MYO5C: variants seen among roughly 807,000 people sequenced by gnomAD.
MYO5C encodes the protein myosin VC.
MYO5C carries 194 observed loss-of-function variants against 235.7 expected under a neutral mutation model. That is an observed-to-expected ratio of 0.82 (90% CI 0.73 to 0.93). MYO5C has a LOEUF of 0.93. Among genes scored for constraint, MYO5C ranks in the 40% least tolerant of loss-of-function variants. The pLI is 0.00. For synonymous variants in MYO5C, 707 were observed against 754.8 expected, an observed-to-expected ratio of 0.94 and a Z score of 1.04; for missense variants, 2,038 against 2,127.2, an observed-to-expected ratio of 0.96 and a Z score of 0.82.
At chr15:52,212,075 G>A (rs181274745) in intron 34 of MYO5C, among the ~76,000 whole-genome samples, 191 bp from the exon 35 acceptor site, 1 of 152,338 alleles carries the variant, frequency 6.6e-6, no homozygotes, top group East Asian at 1.9e-4. Flanking sequence ...GGTGTCACTT[G>A]TTCCTCTTCT....
rs1164148479 is a variant in MYO5C, at chr15:52,244,719, A to G, written c.2179-152T>C. ...AACTCACATCATGATCTAGAAATGT[A>G]TACTTTGAGTTGTTTGTTTAAAATT... is the stretch of plus-strand genomic sequence containing the variant. On this transcript the variant is annotated intron_variant, in intron 18 of 40. Transcript: ENST00000261839. 3 of 616,118 alleles carry G rather than the reference A, an allele frequency of 4.9e-6. No homozygotes were observed. In the African/African-American group the frequency reaches 5.5e-5, roughly 11 times the overall value. 38.2% of individuals were successfully genotyped at this position (616,118 alleles called of 1,614,324 possible). A position where few individuals can be genotyped will look rare whatever the true frequency, so the allele number is the denominator to read the frequency against.
In MYO5C at chr15:52,246,998, TAC is replaced by T; in HGVS notation, c.1896_1897del (p.Tyr633LeufsTer21). 1 of 1,613,588 alleles carries T rather than the reference TAC, an allele frequency of 6.2e-7. No homozygotes were observed. Among genetic ancestry groups the T allele is most frequent in the Non-Finnish European group, 8.5e-7 (1 of 1,179,766 alleles). ...CGCATTGAGGGTCTCCATGAGCAAGTACAGAGAGCTGCGGAACTAGGAAACAA... is the reference window on the plus strand; with the variant it reads ...CGCATTGAGGGTCTCCATGAGCAAGTAGAGAGCTGCGGAACTAGGAAACAA... On this transcript the variant is annotated frameshift_variant, in exon 16 of 41. Coordinates refer to ENST00000261839, the MANE Select transcript of MYO5C (RefSeq NM_018728.4). LOFTEE classifies it high-confidence loss of function.
chr15:52,237,669 G>A (rs754087675), intron 21 of MYO5C, 23 bp from the exon 22 acceptor site: 3 of 1,595,562 alleles, frequency 1.9e-6, no homozygotes, highest in South Asian at 2.3e-5. Context: ...AAATTCAGAT[G>A]TTTAGAGGTT....
At chr15:52,253,482 A>C (rs1319775409) in intron 11 of MYO5C, 25 bp from the exon 12 acceptor site, 4 of 1,600,978 alleles carry the variant, frequency 2.5e-6, no homozygotes, top group Non-Finnish European at 3.4e-6. Context: ...TTAATACAGA[A>C]AGTAAAACAG....
At chr15:52,225,633 A>G in intron 25 of MYO5C, 101 bp from the exon 26 acceptor site, 1 of 794,176 alleles carries the variant, frequency 1.3e-6, no homozygotes, top group South Asian at 1.4e-5. Context: ...TCTATGCAAG[A>G]CATCCTCACT....
At chr15:52,213,365 C>T in intron 33 of MYO5C, 79 bp from the exon 34 acceptor site, 1 of 1,020,478 alleles carries the variant, frequency 9.8e-7, no homozygotes, top group Non-Finnish European at 1.5e-6. Context: ...CTCTCCTACC[C>T]CATTCTGGCT....
rs147455451 is a variant in MYO5C at position 52,291,687 on chromosome 15, G to C, written c.27+3923C>G. ...AGAAAGAAAGACCGTCCAATCTTTA[G>C]GCAGTGATATGTGTGGTCTTTTTTC... On this transcript the variant is annotated intron_variant, in intron 1 of 40. Transcript: ENST00000261839. 2.2e-3 allele frequency among the ~76,000 whole-genome samples: 330 copies of C among 149,436 alleles called. 2 individuals carry two copies. The highest frequency in any genetic ancestry group is 7.7e-3 in the African/African-American group (314 of 40,734).
chr15:52,267,836 A>G (rs2036843796), intron 8 of MYO5C, among the ~76,000 whole-genome samples: 1 of 152,156 alleles, frequency 6.6e-6, no homozygotes. Context: ...GAGAGAGTAG[A>G]AGGATCAGGG....
chr15:52,203,143 C>G (rs938188289), intron 38 of MYO5C, among the ~76,000 whole-genome samples: 10 of 151,882 alleles, frequency 6.6e-5, no homozygotes, highest in African/African-American at 2.4e-4. Context: ...AGGCTGGTCT[C>G]AAACTCCTGA....
Position 52,253,358 on chromosome 15 carries a change from C to T in MYO5C, c.1495G>A (p.Ala499Thr), listed in dbSNP as rs984539931. Residue 499 changes from alanine to threonine, a missense_variant, in exon 12 of 41, where the codon GCA (alanine) becomes ACA (threonine). Physicochemically the swap from Ala to Thr is moderately conservative, Grantham distance 58. Transcript: ENST00000261839. The stretch of plus-strand genomic sequence containing the variant: ...AGTAACTCCAGAATTCCCATTTTTG[C>T]TTCAATCAGGTCAATAACTGGTTGA... ...DNQPVIDLIE[A>T]KMGILELLDE... The T allele has an allele frequency of 6.2e-7, 1 of 1,612,128 alleles. No homozygotes were observed. Among genetic ancestry groups the T allele is most frequent in the African/African-American group, 1.3e-5 (1 of 74,802 alleles).
rs148918699 is a variant in MYO5C at position 52,206,892 on chromosome 15, C to T, written c.4387-926G>A. On this transcript the variant is annotated intron_variant, in intron 36 of 40. Transcript: ENST00000261839. ...CTTACGCCTGTAATCCAGCACTTTG[C>T]GAGGCCGAGGCAGGCGGATCACTTG... is the stretch of plus-strand genomic sequence containing the variant. Among the ~76,000 whole-genome samples, 124 of 152,232 alleles carry T rather than the reference C, an allele frequency of 8.1e-4. 2 individuals are homozygous for T. The highest frequency in any genetic ancestry group is 5.8e-3 in the Admixed American group (88 of 15,300).
chr15:52,266,741 C>T (rs1464090543), intron 8 of MYO5C, among the ~76,000 whole-genome samples: 8 of 152,180 alleles, frequency 5.3e-5, no homozygotes, highest in Non-Finnish European at 1.0e-4. Flanking sequence ...AGACCCACAG[C>T]GTTCATGAGG....
In MYO5C at chr15:52,282,833, C is replaced by T. The variant is rs1435869335; in HGVS notation, c.87G>A (p.Lys29=). 4 of 1,614,002 alleles carry T rather than the reference C, an allele frequency of 2.5e-6. No individual in the cohort carries two copies. Among genetic ancestry groups the T allele is most frequent in the Admixed American group, 1.7e-5 (1 of 60,004 alleles). The change falls in exon 2 of 41, where the codon AAG becomes AAA. Residue 29 remains lysine, a synonymous_variant. Coordinates refer to ENST00000261839, the MANE Select transcript of MYO5C (RefSeq NM_018728.4). ...GGACCTTGTCACCAACTCTGTAGTC[C>T]TTGGCTATTTCAGCAGACTTCCAAA... is the stretch of plus-strand genomic sequence containing the variant. ...EEVWKSAEIA[K]DYRVGDKVLR...
chr15:52,208,421 G>T, intron 36 of MYO5C, 133 bp downstream of exon 36: 1 of 735,922 alleles, frequency 1.4e-6, no homozygotes, highest in Non-Finnish European at 2.2e-6. Context: ...TGTGGTGTAT[G>T]CCCAAGAGTC....
chr15:52,278,539 A>G (rs7162203), intron 4 of MYO5C, among the ~76,000 whole-genome samples: 327 of 127,404 alleles, frequency 2.6e-3, no homozygotes, highest in African/African-American at 8.4e-3. Flanking sequence ...TGCAATGGGT[A>G]AAAAAAAAAA....
intron 4 of MYO5C, among the ~76,000 whole-genome samples, chr15:52,276,403 G>C (rs1424596666): frequency 6.6e-6 from 1 of 152,338 alleles, no homozygotes; most frequent in African/African-American, 2.4e-5. Flanking sequence ...CAAGGAATTT[G>C]ACAGCACATG....
chr15:52,273,652 C>G (rs1042592327), intron 5 of MYO5C, among the ~76,000 whole-genome samples: 2 of 152,126 alleles, frequency 1.3e-5, no homozygotes, highest in Admixed American at 6.5e-5. Flanking sequence ...TAGAACCTGA[C>G]CCCTGCTAGC....
rs67197964 is a variant in MYO5C at position 52,230,826 on chromosome 15, CTTT to C, written c.3027-1516_3027-1514del. On this transcript the variant is annotated intron_variant, in intron 24 of 40. Transcript: ENST00000261839. ...AAGGAAAAGGCAGCCAGAAGTCTTC[CTTT>C]TTTTTTTTTTTTTTTGGAGACAGGG... Among the ~76,000 whole-genome samples the C allele has an allele frequency of 1.0e-4, 13 of 128,576 alleles. 1 individual carries two copies. The highest frequency in any genetic ancestry group is 5.1e-4 in the South Asian group (2 of 3,936). The allele number at this position is 128,576 out of a possible 152,430, so 84.4% of individuals were successfully genotyped here.
intron 36 of MYO5C, 100 bp downstream of exon 36, chr15:52,208,454 C>T (rs1015036174): frequency 2.6e-5 from 27 of 1,049,934 alleles, no homozygotes; most frequent in Non-Finnish European, 3.6e-5. Context: ...TGCTGTTGGC[C>T]TCCTGGTGGA....
Sources: allele counts gnomAD v4.1 joint callset (sites outside exome capture counted in the v4.1 genomes callset), GRCh38; gene constraint gnomAD v4.1.1; transcripts MANE v1.5; gene names NCBI Gene and HGNC (gene_info 2026-07-23, HGNC 2026-07-21).